The following TMEM108 variants were observed in gnomAD, a reference collection of about 807,000 sequenced individuals.
The protein encoded by TMEM108 is cancer/testis antigen 124.
In TMEM108, 12 loss-of-function variants were observed where a neutral mutation model predicts 35.1. That is an observed-to-expected ratio of 0.34 (90% CI 0.22 to 0.55). The LOEUF (loss-of-function observed/expected upper bound fraction) is 0.55. Ranked by LOEUF, TMEM108 falls within the 20% of genes least tolerant of loss-of-function variation. The pLI is 0.89. For synonymous variants in TMEM108, 287 were observed against 308.6 expected (o/e 0.93, Z 0.73); for missense variants, 680 against 753.3 (o/e 0.90, Z 1.14).
At chr3:133,281,924 A>G (rs751656296) in intron 3 of TMEM108, among the ~76,000 whole-genome samples, 100 of 152,286 alleles carry the variant, frequency 6.6e-4, no homozygotes, top group Middle Eastern at 3.4e-3. Flanking sequence ...TTGGGAGGCC[A>G]AGGTGGGCGG....
At chr3:133,165,197 C>T (rs1007328689) in intron 2 of TMEM108, among the ~76,000 whole-genome samples, 1 of 152,150 alleles carries the variant, frequency 6.6e-6, no homozygotes, top group Non-Finnish European at 1.5e-5. Flanking sequence ...AGAAGCAGAG[C>T]AGAGTGGCTG....
rs2072250931 is a variant in TMEM108 at position 133,358,637 on chromosome 3, G to T, written c.41-21115G>T. On this transcript the variant is annotated intron_variant, in intron 3 of 5. Coordinates refer to ENST00000321871, the MANE Select transcript of TMEM108 (RefSeq NM_023943.4). ...ATAGAGGGGAAGGAGAGGAAAAGAG[G>T]GTAGGGAAGTGGTTTCTCTTTGAGC... Among the ~76,000 whole-genome samples the T allele has an allele frequency of 2.6e-5, 4 of 152,076 alleles. No homozygotes were observed. The South Asian group carries it at 8.3e-4, about 32-fold the overall frequency.
intron 2 of TMEM108, among the ~76,000 whole-genome samples, chr3:133,223,031 C>CA (rs1391866631): frequency 6.6e-6 from 1 of 152,062 alleles, no homozygotes; most frequent in Non-Finnish European, 1.5e-5. Flanking sequence ...CCTTGTTGCC[C>CA]AGGCTGGTTA....
At chr3:133,079,886 C>T (rs1188769696) in intron 2 of TMEM108, among the ~76,000 whole-genome samples, 2 of 152,104 alleles carry the variant, frequency 1.3e-5, no homozygotes, top group Non-Finnish European at 2.9e-5. Flanking sequence ...CAAGGCAGGG[C>T]CTCATCATGT....
intron 3 of TMEM108, among the ~76,000 whole-genome samples, chr3:133,254,893 T>C (rs1946523643): frequency 6.6e-6 from 1 of 152,210 alleles, no homozygotes; most frequent in Non-Finnish European, 1.5e-5. Flanking sequence ...ACTGCTGCAA[T>C]ACTCTGAAGT....
At chr3:133,092,538 CTTT>C (rs775252725) in intron 2 of TMEM108, among the ~76,000 whole-genome samples, 4 of 151,928 alleles carry the variant, frequency 2.6e-5, no homozygotes, top group Admixed American at 6.5e-5. Flanking sequence ...ATTATTATTA[CTTT>C]GATTTTTAAC....
intron 3 of TMEM108, among the ~76,000 whole-genome samples, chr3:133,355,988 A>G (rs901481366): frequency 3.3e-5 from 5 of 152,176 alleles, no homozygotes; most frequent in African/African-American, 1.2e-4. Flanking sequence ...ATCAGTCAAG[A>G]GAAAGAAATA....
chr3:133,291,453 T>C (rs866486483), intron 3 of TMEM108, among the ~76,000 whole-genome samples: 3 of 152,118 alleles, frequency 2.0e-5, no homozygotes, highest in South Asian at 4.1e-4. Context: ...GCTAATTTTA[T>C]TTTTTGTAGA....
intron 3 of TMEM108, among the ~76,000 whole-genome samples, chr3:133,368,308 A>G (rs2072559347): frequency 1.3e-5 from 2 of 152,232 alleles, no homozygotes; most frequent in Non-Finnish European, 2.9e-5. Flanking sequence ...TGCTGTCATC[A>G]CAGCCTTCCA....
At chr3:133,147,539 G>A (rs531558619) in intron 2 of TMEM108, among the ~76,000 whole-genome samples, 1 of 152,190 alleles carries the variant, frequency 6.6e-6, no homozygotes, top group South Asian at 2.1e-4. Context: ...GTTTTCTTTT[G>A]AAAAATGTCT....
intron 3 of TMEM108, among the ~76,000 whole-genome samples, chr3:133,300,263 C>T (rs907226080): frequency 3.9e-5 from 6 of 152,132 alleles, no homozygotes; most frequent in African/African-American, 7.2e-5. Context: ...GATTAATGTC[C>T]GTAGGCAGTA....
intron 2 of TMEM108, among the ~76,000 whole-genome samples, chr3:133,165,587 A>G (rs1158537989): frequency 6.6e-6 from 1 of 152,204 alleles, no homozygotes; most frequent in Non-Finnish European, 1.5e-5. Flanking sequence ...CTGTTTTGGC[A>G]CCTTAAAAAA....
At chr3:133,046,470 A>G (rs528000733) in intron 2 of TMEM108, among the ~76,000 whole-genome samples, 2 of 152,200 alleles carry the variant, frequency 1.3e-5, no homozygotes, top group Non-Finnish European at 2.9e-5. Flanking sequence ...TTAGTGAAGG[A>G]AATAACTTCT....
intron 2 of TMEM108, among the ~76,000 whole-genome samples, chr3:133,172,158 G>A (rs979609957): frequency 6.6e-6 from 1 of 151,936 alleles, no homozygotes; most frequent in African/African-American, 2.4e-5. Flanking sequence ...TTTTACAGAT[G>A]AGGAAACTGA....
chr3:133,173,901 C>T (rs1467253426), intron 2 of TMEM108, among the ~76,000 whole-genome samples: 3 of 152,206 alleles, frequency 2.0e-5, no homozygotes, highest in Non-Finnish European at 4.4e-5. Context: ...CTGGGAAGCA[C>T]AAGGGGTTAG....
At chr3:133,382,869 CA>C (rs1418772114) in intron 4 of TMEM108, among the ~76,000 whole-genome samples, 1 of 152,214 alleles carries the variant, frequency 6.6e-6, no homozygotes, top group African/African-American at 2.4e-5. Flanking sequence ...CGGTCTCCTT[CA>C]GGTTGATGAG....
At position 133,395,981 on chromosome 3, in the gene TMEM108, A is replaced by C; in HGVS notation, c.1723A>C (p.Ile575Leu). 10 of 1,594,142 alleles carry C rather than the reference A, an allele frequency of 6.3e-6. No individual in the cohort carries two copies. The highest frequency in any genetic ancestry group is 2.3e-5 in the East Asian group (1 of 43,416). Reference sequence around the variant, plus strand: ...TGTGGGAAACGATCAAGTATCTGAGATCTAACTACAGCAGGCATCACTTTG... The same window carrying C: ...TGTGGGAAACGATCAAGTATCTGAGCTCTAACTACAGCAGGCATCACTTTG... ...LFVGNDQVSE[I>L] Residue 575 changes from isoleucine to leucine, a missense_variant, in exon 6 of 6, where the codon ATC (isoleucine) becomes CTC (leucine). By Grantham distance (5) the Ile-to-Leu change is conservative (BLOSUM62 2). This residue lies in a region of TMEM108 where 105 missense variants were observed against 150.7 expected (regional missense o/e 0.70). Coordinates refer to ENST00000321871, the MANE Select transcript of TMEM108 (RefSeq NM_023943.4).
chr3:133,293,123 G>C (rs1418995590), intron 3 of TMEM108, among the ~76,000 whole-genome samples: 1 of 152,056 alleles, frequency 6.6e-6, no homozygotes, highest in Non-Finnish European at 1.5e-5. Context: ...AGAGGAATTA[G>C]TTTACCAGTA....
At chr3:133,089,808 G>A (rs144007818) in intron 2 of TMEM108, among the ~76,000 whole-genome samples, 140 of 152,336 alleles carry the variant, frequency 9.2e-4, no homozygotes, top group Non-Finnish European at 1.4e-3. Context: ...AGGCAGGTCT[G>A]ACTATCTTGA....
Sources: gnomAD v4.1 joint callset for allele counts (sites outside exome capture counted in the v4.1 genomes callset) on GRCh38, gnomAD v4.1.1 for gene constraint, gnomAD v4.1.1 regional missense constraint, MANE v1.5 for transcripts, NCBI Gene and HGNC (gene_info 2026-07-23, HGNC 2026-07-21) for gene names.